The following GPC5 variants were observed in gnomAD, a reference collection of about 807,000 sequenced individuals.
GPC5 encodes glypican-5.
A neutral mutation model predicts 53.9 loss-of-function variants in GPC5; 47 were observed. That is an observed-to-expected ratio of 0.87 (90% CI 0.69 to 1.11). The LOEUF (loss-of-function observed/expected upper bound fraction) is 1.11. GPC5 is among the 50% of genes most tolerant of loss of function. GPC5 has a pLI of 0.00. For synonymous variants in GPC5, 286 were observed against 263.3 expected, an observed-to-expected ratio of 1.09 and a Z score of -0.84; for missense variants, 748 against 713.1, an observed-to-expected ratio of 1.05 and a Z score of -0.56.
intron 5 of GPC5, among the ~76,000 whole-genome samples, chr13:91,855,281 T>C (rs1160765795): frequency 6.6e-6 from 1 of 151,692 alleles, no homozygotes; most frequent in Non-Finnish European, 1.5e-5. Context: ...TCAAACTTCA[T>C]TGGCTTTTCA....
chr13:91,479,011 C>T (rs547602160), intron 2 of GPC5, among the ~76,000 whole-genome samples: 2 of 150,234 alleles, frequency 1.3e-5, no homozygotes, highest in African/African-American at 4.9e-5. Flanking sequence ...CTTCTGGGTT[C>T]AAGCGATTCT....
At chr13:92,399,809 T>A (rs139509942) in intron 7 of GPC5, among the ~76,000 whole-genome samples, 405 of 152,324 alleles carry the variant, frequency 2.7e-3, no homozygotes, top group South Asian at 4.3e-3. Flanking sequence ...TATTTAACTT[T>A]ATGTGCCTGT....
At chr13:92,862,147 A>T (rs1281342613) in intron 7 of GPC5, among the ~76,000 whole-genome samples, 1 of 152,184 alleles carries the variant, frequency 6.6e-6, no homozygotes, top group Non-Finnish European at 1.5e-5. Context: ...TGCCACAGCT[A>T]TGTTACCTTG....
chr13:92,115,107 G>A (rs544626327), intron 6 of GPC5, among the ~76,000 whole-genome samples: 9 of 152,304 alleles, frequency 5.9e-5, no homozygotes, highest in African/African-American at 2.2e-4. Flanking sequence ...CATTAGAAGT[G>A]TTTGAATTAT....
intron 7 of GPC5, among the ~76,000 whole-genome samples, chr13:92,201,856 G>C (rs1197436079): frequency 1.3e-5 from 2 of 152,146 alleles, no homozygotes; most frequent in Non-Finnish European, 2.9e-5. Context: ...AATTGATGGA[G>C]TCTTTGATGT....
chr13:91,722,867 T>G (rs1321359525), intron 3 of GPC5, among the ~76,000 whole-genome samples: 1 of 152,178 alleles, frequency 6.6e-6, no homozygotes, highest in African/African-American at 2.4e-5. Flanking sequence ...TAACATTACT[T>G]TATTTGGTTT....
intron 6 of GPC5, among the ~76,000 whole-genome samples, chr13:92,014,201 T>C (rs928868059): frequency 6.6e-6 from 1 of 152,166 alleles, no homozygotes; most frequent in African/African-American, 2.4e-5. Flanking sequence ...CATAAGCCCA[T>C]GATGTAATGC....
At chr13:91,637,139 C>A (rs1054792795) in intron 2 of GPC5, among the ~76,000 whole-genome samples, 2 of 152,076 alleles carry the variant, frequency 1.3e-5, no homozygotes, top group Non-Finnish European at 2.9e-5. Context: ...GAGGTCTGTA[C>A]AGGCAGGTTG....
intron 2 of GPC5, among the ~76,000 whole-genome samples, chr13:91,624,220 A>C (rs1449669664): frequency 6.6e-6 from 1 of 152,172 alleles, no homozygotes; most frequent in Non-Finnish European, 1.5e-5. Context: ...TAGACTGTCA[A>C]AAATCTACCC....
chr13:92,074,520 T>C (rs550739123), intron 6 of GPC5, among the ~76,000 whole-genome samples: 1 of 152,214 alleles, frequency 6.6e-6, no homozygotes, highest in Admixed American at 6.5e-5. Flanking sequence ...GCCACAACAT[T>C]GGGTAGATAT....
chr13:91,989,352 A>C (rs1393412925), intron 6 of GPC5, among the ~76,000 whole-genome samples: 1 of 152,234 alleles, frequency 6.6e-6, no homozygotes. Context: ...TGTAAGATGA[A>C]TATGATGGCC....
chr13:91,538,951 A>T (rs1395290415), intron 2 of GPC5, among the ~76,000 whole-genome samples: 1 of 152,132 alleles, frequency 6.6e-6, no homozygotes, highest in South Asian at 2.1e-4. Flanking sequence ...GGAAACAACA[A>T]ACCCAAGTAT....
intron 5 of GPC5, among the ~76,000 whole-genome samples, chr13:91,812,892 A>G (rs999822018): frequency 2.6e-5 from 4 of 152,202 alleles, no homozygotes; most frequent in Admixed American, 6.5e-5. Context: ...GCAAGAGTCT[A>G]TTGGTAAAAA....
chr13:91,853,566 T>A (rs943721741), intron 5 of GPC5, among the ~76,000 whole-genome samples: 1 of 151,974 alleles, frequency 6.6e-6, no homozygotes, highest in Admixed American at 6.6e-5. Flanking sequence ...GTCTAAAGAA[T>A]GGAAAATTTA....
chr13:91,579,310 T>C (rs1210279465), intron 2 of GPC5, among the ~76,000 whole-genome samples: 1 of 152,146 alleles, frequency 6.6e-6, no homozygotes, highest in Non-Finnish European at 1.5e-5. Context: ...AAATGTCCTC[T>C]TCTTTATCTA....
At chr13:91,764,292 T>C (rs540310143) in intron 5 of GPC5, among the ~76,000 whole-genome samples, 24 of 152,306 alleles carry the variant, frequency 1.6e-4, no homozygotes, top group African/African-American at 5.3e-4. Flanking sequence ...AATGCGGCAA[T>C]AATTGCGTGG....
intron 7 of GPC5, among the ~76,000 whole-genome samples, chr13:92,363,330 C>G (rs1380157381): frequency 6.6e-6 from 1 of 151,592 alleles, no homozygotes; most frequent in African/African-American, 2.4e-5. Context: ...GACCAGAGGT[C>G]CCCAACATTT....
intron 7 of GPC5, among the ~76,000 whole-genome samples, chr13:92,301,230 G>T (rs1171933718): frequency 6.6e-6 from 1 of 152,170 alleles, no homozygotes; most frequent in East Asian, 1.9e-4. Flanking sequence ...CAAAGTGGTA[G>T]ATCATATAAT....
chr13:91,940,262 G>A (rs1296817457), intron 6 of GPC5, among the ~76,000 whole-genome samples: 4 of 152,094 alleles, frequency 2.6e-5, no homozygotes, highest in African/African-American at 9.7e-5. Context: ...TTCTATTCCT[G>A]CATTAATTTG....
Sources: gnomAD v4.1 joint callset for allele counts (sites outside exome capture counted in the v4.1 genomes callset) on GRCh38, gnomAD v4.1.1 for gene constraint, MANE v1.5 for transcripts, NCBI Gene and HGNC (gene_info 2026-07-23, HGNC 2026-07-21) for gene names.